The following ARHGEF10L variants were observed in gnomAD, a reference collection of about 807,000 sequenced individuals.
The protein encoded by ARHGEF10L is rho guanine nucleotide exchange factor 10-like protein.
A neutral mutation model predicts 141.2 loss-of-function variants in ARHGEF10L; 69 were observed. The ratio of observed to expected loss-of-function variants is 0.49; its 90% CI spans 0.40 to 0.60. The LOEUF (loss-of-function observed/expected upper bound fraction) is 0.60, where lower values mean the gene tolerates loss of function less well. Ranked by LOEUF, ARHGEF10L falls within the 20% of genes least tolerant of loss-of-function variation. The pLI, the probability that ARHGEF10L is intolerant of heterozygous loss-of-function variation, is 0.00. For synonymous variants in ARHGEF10L, 711 were observed against 718.5 expected (o/e 0.99, Z 0.17); for missense variants, 1,482 against 1,734.3 (o/e 0.85, Z 2.58).
At chr1:17,657,347 G>T (rs2062332816) in intron 25 of ARHGEF10L, among the ~76,000 whole-genome samples, 1 of 152,208 alleles carries the variant, frequency 6.6e-6, no homozygotes, top group African/African-American at 2.4e-5. Context: ...TTGCTTTACT[G>T]AGATGATGCT....
chr1:17,529,763 AG>A, the ARHGEF10L span, among the ~76,000 whole-genome samples: 4 of 149,316 alleles, frequency 2.7e-5, no homozygotes, highest in Non-Finnish European at 5.9e-5. Flanking sequence ...AGGAATGATC[AG>A]GGGGTCCCTG....
At chr1:17,543,846 C>G (rs2076819585) in intron 1 of ARHGEF10L, among the ~76,000 whole-genome samples, 1 of 151,638 alleles carries the variant, frequency 6.6e-6, no homozygotes, top group South Asian at 2.1e-4. Flanking sequence ...CGGGGTTTTA[C>G]CATGTTGGCC....
Position 17,615,832 on chromosome 1 carries a change from G to A in ARHGEF10L, c.727-262G>A. The stretch of plus-strand genomic sequence containing the variant: ...CCTCACCAGGTCACATCATCTCCTG[G>A]ATTAGAAATCTGCTCACATAGTCTG... On this transcript the variant is annotated intron_variant, in intron 8 of 28. Coordinates refer to ENST00000361221, the MANE Select transcript of ARHGEF10L (RefSeq NM_018125.4). This position sits in a 1 kb window ranked among gnomAD's most constrained non-coding sequence, Gnocchi z 4.7. 2.7e-6 allele frequency: 1 copy of A among 375,342 alleles called. No individual in the cohort carries two copies. The highest frequency in any genetic ancestry group is 5.0e-6 in the Non-Finnish European group (1 of 201,124). 23.3% of individuals were successfully genotyped at this position (375,342 alleles called of 1,614,324 possible).
At chr1:17,593,806 G>C (rs569025299) in intron 4 of ARHGEF10L, among the ~76,000 whole-genome samples, 74 of 152,086 alleles carry the variant, frequency 4.9e-4, no homozygotes, top group Admixed American at 2.0e-3. Flanking sequence ...AAACTAACAC[G>C]ACAGCCCTGG....
rs753136901 is a variant in ARHGEF10L, at chr1:17,655,941, G to T, written c.2544G>T (p.Ser848=). ...QVEIFSLNRP[S]PRTVKSFPLA... ...AAATCTTTTCCTTGAACCGGCCCTC[G>T]CCCCGCACCGTCAAGTCCTTCCCAC... The change falls in exon 24 of 29, where the codon TCG becomes TCT. Residue 848 remains serine, a synonymous_variant. Transcript: ENST00000361221. The T allele has an allele frequency of 6.4e-6, 10 of 1,559,388 alleles. No homozygotes were observed. Among genetic ancestry groups the T allele is most frequent in the Non-Finnish European group, 4.3e-6 (5 of 1,151,296 alleles).
chr1:17,545,200 G>A lies in ARHGEF10L; in HGVS notation c.-44+5250G>A, dbSNP rs186496470. Among the ~76,000 whole-genome samples, 50 of 152,268 alleles carry A rather than the reference G, an allele frequency of 3.3e-4. 1 individual carries two copies. The East Asian group carries it at 9.6e-3, about 29-fold the overall frequency. On this transcript the variant is annotated intron_variant, in intron 1 of 28. Coordinates refer to ENST00000361221, the MANE Select transcript of ARHGEF10L (RefSeq NM_018125.4). ...TTGGCAGCTTGAAATTGGCCAGAGT[G>A]AGAGTATTTATATCACAGAAATTGG...
At chr1:17,604,905 T>A (rs1327844443) in intron 6 of ARHGEF10L, 1 of 152,294 alleles carries the variant, frequency 6.6e-6, no homozygotes, top group African/African-American at 2.4e-5. Context: ...GTCTTCACTG[T>A]CCTCAGGGTC....
chr1:17,556,662 A>T (rs1346714459), intron 1 of ARHGEF10L, among the ~76,000 whole-genome samples: 1 of 152,092 alleles, frequency 6.6e-6, no homozygotes, highest in African/African-American at 2.4e-5. Flanking sequence ...AGTAATTCTC[A>T]TATGTTAATG....
At position 17,632,315 on chromosome 1, in the gene ARHGEF10L, C is replaced by A; in HGVS notation, c.1585-6C>A. ...CTGATGCTGACCTTCCCTGCCCCTC[C>A]TCCAGCTGTTGACCTCAGGCCAGCG... On this transcript the variant is annotated splice_polypyrimidine_tract_variant and splice_region_variant and intron_variant, in intron 15 of 28. Coordinates refer to ENST00000361221, the MANE Select transcript of ARHGEF10L (RefSeq NM_018125.4). 6.2e-7 allele frequency: 1 copy of A among 1,613,820 alleles called. No homozygotes were observed. The highest frequency in any genetic ancestry group is 1.7e-5 in the Admixed American group (1 of 60,022).
intron 18 of ARHGEF10L, among the ~76,000 whole-genome samples, chr1:17,637,042 C>T (rs1239157086): frequency 6.6e-6 from 1 of 152,092 alleles, no homozygotes; most frequent in Non-Finnish European, 1.5e-5. Flanking sequence ...TCCCACCACA[C>T]TGATATCTTT....
At chr1:17,530,953 C>T in the ARHGEF10L span, among the ~76,000 whole-genome samples, 6 of 151,296 alleles carry the variant, frequency 4.0e-5, no homozygotes, top group South Asian at 2.1e-4. Flanking sequence ...TGCAATGAGC[C>T]GAGATCGTGC....
the ARHGEF10L span, among the ~76,000 whole-genome samples, chr1:17,516,579 C>T: frequency 4.6e-5 from 7 of 152,182 alleles, no homozygotes; most frequent in Non-Finnish European, 8.8e-5. Context: ...GGTCAGCCTT[C>T]CCGGTGGGTG....
At chr1:17,628,403 G>C (rs2060497676) in intron 15 of ARHGEF10L, among the ~76,000 whole-genome samples, 1 of 152,126 alleles carries the variant, frequency 6.6e-6, no homozygotes, top group Non-Finnish European at 1.5e-5. Flanking sequence ...TAAAGCACAA[G>C]GTCACCTCAC....
Position 17,621,856 on chromosome 1 carries a change from C to T in ARHGEF10L, c.943-8C>T. Reference sequence around the variant, plus strand: ...ATGTGCGCTGACCGTGCTTTTTGGCCCGAGCAGGTGGTCCGGAGGCATATC... The same window carrying T: ...ATGTGCGCTGACCGTGCTTTTTGGCTCGAGCAGGTGGTCCGGAGGCATATC... On this transcript the variant is annotated splice_region_variant and splice_polypyrimidine_tract_variant and intron_variant, in intron 10 of 28. Coordinates refer to ENST00000361221, the MANE Select transcript of ARHGEF10L (RefSeq NM_018125.4). The surrounding 1 kb of genome is among the most constrained non-coding windows in gnomAD (Gnocchi z 4.1). The T allele has an allele frequency of 1.9e-6, 3 of 1,613,990 alleles. No homozygotes were observed. Among genetic ancestry groups the T allele is most frequent in the Non-Finnish European group, 2.5e-6 (3 of 1,179,960 alleles).
intron 11 of ARHGEF10L, 122 bp from the exon 12 acceptor site, chr1:17,622,874 G>C: frequency 9.8e-7 from 1 of 1,018,440 alleles, no homozygotes; most frequent in Non-Finnish European, 1.4e-6. Flanking sequence ...AGGAGTGAGG[G>C]ATGAGTGCCT....
At chr1:17,626,644 T>G (rs1419134020) in intron 14 of ARHGEF10L, among the ~76,000 whole-genome samples, 3 of 152,218 alleles carry the variant, frequency 2.0e-5, no homozygotes, top group African/African-American at 7.2e-5. Flanking sequence ...TATAAGTTTA[T>G]TTATTTACCA....
At chr1:17,522,224 G>A in the ARHGEF10L span, among the ~76,000 whole-genome samples, 1 of 152,168 alleles carries the variant, frequency 6.6e-6, no homozygotes, top group South Asian at 2.1e-4. Flanking sequence ...CCTCACGTGC[G>A]GCCTGTCCAC....
At position 17,607,619 on chromosome 1, in the gene ARHGEF10L, G is replaced by A. The variant is rs1339219156; in HGVS notation, c.434-183G>A. Among the ~76,000 whole-genome samples, 1 of 152,206 alleles carries A rather than the reference G, an allele frequency of 6.6e-6. No homozygotes were observed. Among genetic ancestry groups the A allele is most frequent in the Non-Finnish European group, 1.5e-5 (1 of 68,036 alleles). On this transcript the variant is annotated intron_variant, in intron 6 of 28. Coordinates refer to ENST00000361221, the MANE Select transcript of ARHGEF10L (RefSeq NM_018125.4). The surrounding 1 kb of genome is among the most constrained non-coding windows in gnomAD (Gnocchi z 4.5). ...TTTTCTCAGGCCCTCCTTGCCCTAC[G>A]AGGGGGAAAATGTATTATCATCTTC...
At chr1:17,695,420 G>A (rs2065425902) in intron 28 of ARHGEF10L, 140 bp downstream of exon 28, 2 of 1,244,516 alleles carry the variant, frequency 1.6e-6, no homozygotes, top group Non-Finnish European at 2.1e-6. Context: ...ATCTCAGGTG[G>A]CATGGTGGCC....
Sources: allele counts gnomAD v4.1 joint callset (sites outside exome capture counted in the v4.1 genomes callset), GRCh38; gene constraint gnomAD v4.1.1; non-coding constraint Gnocchi (gnomAD v3.1); transcripts MANE v1.5; gene names NCBI Gene and HGNC (gene_info 2026-07-23, HGNC 2026-07-21).